The following BCAS3 variants were observed in gnomAD, a reference collection of about 807,000 sequenced individuals.
The protein encoded by BCAS3 is BCAS4/BCAS3 fusion.
A neutral mutation model predicts 116.1 loss-of-function variants in BCAS3; 53 were observed. The ratio of observed to expected loss-of-function variants is 0.46; its 90% CI spans 0.37 to 0.57. The LOEUF is 0.57. Among genes scored for constraint, BCAS3 ranks in the 20% least tolerant of loss-of-function variants. BCAS3 has a pLI of 0.00. For synonymous variants in BCAS3, 391 were observed against 408.2 expected (o/e 0.96, Z 0.51); for missense variants, 917 against 1,165.4 (o/e 0.79, Z 3.10).
rs578046517 is a variant in BCAS3 at position 61,285,478 on chromosome 17, T to TCTAGA, written c.2426-82833_2426-82829dup. Among the ~76,000 whole-genome samples, 382 of 152,238 alleles carry TCTAGA rather than the reference T, an allele frequency of 2.5e-3. 5 individuals carry two copies. Among genetic ancestry groups the TCTAGA allele is most frequent in the East Asian group, 5.6e-3 (29 of 5,164 alleles). Reference sequence around the variant, plus strand: ...TGCTTGGTTTGGTTTATCCATAGGATCTAGACTAGACTAGACTAGAGGATT... The same window carrying TCTAGA: ...TGCTTGGTTTGGTTTATCCATAGGATCTAGACTAGACTAGACTAGACTAGAGGATT... On this transcript the variant is annotated intron_variant, in intron 22 of 23. Transcript: ENST00000407086. The surrounding 1 kb of genome is among the most constrained non-coding windows in gnomAD (Gnocchi z 5.4).
chr17:61,226,972 G>A lies in BCAS3; in HGVS notation c.2426-141355G>A, dbSNP rs1242352181. On this transcript the variant is annotated intron_variant, in intron 22 of 23. Transcript: ENST00000407086. This position sits in a 1 kb window ranked among gnomAD's most constrained non-coding sequence, Gnocchi z 6.0. ...ATCCAGATAAATAAAATATGCTCTGGTGGGCCTTCCTGATGGGACCCTCGA... is the reference window on the plus strand; with the variant it reads ...ATCCAGATAAATAAAATATGCTCTGATGGGCCTTCCTGATGGGACCCTCGA... 6.6e-6 allele frequency among the ~76,000 whole-genome samples: 1 copy of A among 152,136 alleles called. No individual in the cohort carries two copies. The highest frequency in any genetic ancestry group is 1.5e-5 in the Non-Finnish European group (1 of 68,030).
intron 7 of BCAS3, chr17:60,821,593 A>G (rs1242727722): frequency 6.6e-6 from 1 of 152,122 alleles, no homozygotes; most frequent in Non-Finnish European, 1.5e-5. Flanking sequence ...CTAAAGTTTT[A>G]TATAAGTGGA....
At chr17:61,298,974 C>A (rs2053193688) in intron 22 of BCAS3, among the ~76,000 whole-genome samples, 1 of 151,904 alleles carries the variant, frequency 6.6e-6, no homozygotes, top group African/African-American at 2.4e-5. Context: ...AGGCACCCTG[C>A]ACCATACCCG....
intron 23 of BCAS3, among the ~76,000 whole-genome samples, chr17:61,371,352 T>C (rs1317441834): frequency 6.6e-6 from 1 of 152,240 alleles, no homozygotes; most frequent in African/African-American, 2.4e-5. Context: ...AGCACCTGGT[T>C]GGTAAGCTGT....
chr17:60,755,232 A>G (rs924927727), intron 6 of BCAS3, among the ~76,000 whole-genome samples: 4 of 152,328 alleles, frequency 2.6e-5, no homozygotes, highest in South Asian at 2.1e-4. Context: ...GCGTTTTTCT[A>G]TAAGAGGTAT....
At chr17:60,928,200 A>G (rs1339752414) in intron 13 of BCAS3, among the ~76,000 whole-genome samples, 2 of 152,324 alleles carry the variant, frequency 1.3e-5, no homozygotes, top group Admixed American at 6.5e-5. Flanking sequence ...GTCTTAAGGA[A>G]GGAAAACCCT....
rs1055006090 is a variant in BCAS3, at chr17:61,239,702, C to T, written c.2426-128625C>T. On this transcript the variant is annotated intron_variant, in intron 22 of 23. Coordinates refer to ENST00000407086, the MANE Select transcript of BCAS3 (RefSeq NM_017679.5). This position sits in a 1 kb window ranked among gnomAD's most constrained non-coding sequence, Gnocchi z 4.2. ...TTGGCTTTCAGAGATTAGTTTTTTCCTACTTAAAATTAAGAACTTAAAGAT... is the reference window on the plus strand; with the variant it reads ...TTGGCTTTCAGAGATTAGTTTTTTCTTACTTAAAATTAAGAACTTAAAGAT... 1.3e-5 allele frequency among the ~76,000 whole-genome samples: 2 copies of T among 152,132 alleles called. No homozygotes were observed. The highest frequency in any genetic ancestry group is 4.8e-5 in the African/African-American group (2 of 41,420).
chr17:61,074,258 T>G (rs1449096776), intron 19 of BCAS3, among the ~76,000 whole-genome samples: 1 of 151,878 alleles, frequency 6.6e-6, no homozygotes, highest in Admixed American at 6.6e-5. Context: ...AAAAAATACC[T>G]TTAGAGACAT....
intron 7 of BCAS3, among the ~76,000 whole-genome samples, chr17:60,845,797 T>C (rs199808657): frequency 5.4e-5 from 8 of 149,224 alleles, no homozygotes; most frequent in African/African-American, 7.5e-5. Context: ...TTTTTTTTTT[T>C]TCTCTCTCTC....
At chr17:60,708,200 C>T (rs2037413480) in intron 4 of BCAS3, among the ~76,000 whole-genome samples, 1 of 151,774 alleles carries the variant, frequency 6.6e-6, no homozygotes, top group South Asian at 2.1e-4. Context: ...TGGCATATGC[C>T]CGTAGTCCCA....
rs1447091095 is a variant in BCAS3, at chr17:61,313,612, C to T, written c.2426-54715C>T. On this transcript the variant is annotated intron_variant, in intron 22 of 23. Transcript: ENST00000407086. The surrounding 1 kb of genome is among the most constrained non-coding windows in gnomAD (Gnocchi z 4.3). ...AAGGCTGGAGGACAGAGCTTGGACT[C>T]GGGTCCAGCTCGGCGTCCTCCCTCG... Among the ~76,000 whole-genome samples, 1 of 152,160 alleles carries T rather than the reference C, an allele frequency of 6.6e-6. No individual in the cohort carries two copies. The highest frequency in any genetic ancestry group is 6.5e-5 in the Admixed American group (1 of 15,270).
rs905311104 is a variant in BCAS3, at chr17:61,244,590, G to A, written c.2426-123737G>A. 2.0e-5 allele frequency among the ~76,000 whole-genome samples: 3 copies of A among 152,134 alleles called. No individual in the cohort carries two copies. Among genetic ancestry groups the A allele is most frequent in the Non-Finnish European group, 2.9e-5 (2 of 68,036 alleles). On this transcript the variant is annotated intron_variant, in intron 22 of 23. Transcript: ENST00000407086. This position sits in a 1 kb window ranked among gnomAD's most constrained non-coding sequence, Gnocchi z 4.9. ...TAAAAATTGGATATATAGGCCCGGC[G>A]CGGTGGCTCATGCCTGTAATCCCAG... is the stretch of plus-strand genomic sequence containing the variant.
rs1186339936 is a variant in BCAS3, at chr17:61,364,451, C to T, written c.2426-3876C>T. Among the ~76,000 whole-genome samples, 5 of 152,344 alleles carry T rather than the reference C, an allele frequency of 3.3e-5. No individual in the cohort carries two copies. Among genetic ancestry groups the T allele is most frequent in the Non-Finnish European group, 5.9e-5 (4 of 68,036 alleles). ...TGGTTCTTGGCCAGGCGCAGTGGCT[C>T]ATGCCTGTAATTCCAGCACTTTGGG... On this transcript the variant is annotated intron_variant, in intron 22 of 23. Coordinates refer to ENST00000407086, the MANE Select transcript of BCAS3 (RefSeq NM_017679.5). This position sits in a 1 kb window ranked among gnomAD's most constrained non-coding sequence, Gnocchi z 5.4.
At chr17:60,758,702 T>C (rs1228414274) in intron 6 of BCAS3, among the ~76,000 whole-genome samples, 1 of 152,114 alleles carries the variant, frequency 6.6e-6, no homozygotes, top group African/African-American at 2.4e-5. Flanking sequence ...TTTCTTGAGG[T>C]GTGTCATTAG....
chr17:61,140,918 C>T lies in BCAS3; in HGVS notation c.2425+56354C>T, dbSNP rs2143935296. Among the ~76,000 whole-genome samples, 1 of 151,902 alleles carries T rather than the reference C, an allele frequency of 6.6e-6. No individual in the cohort carries two copies. The highest frequency in any genetic ancestry group is 2.4e-5 in the African/African-American group (1 of 41,466). On this transcript the variant is annotated intron_variant, in intron 22 of 23. Transcript: ENST00000407086. The surrounding 1 kb of genome is among the most constrained non-coding windows in gnomAD (Gnocchi z 4.2). ...TGTTAAGTAAGGAAAAAGCATGCCT[C>T]CCTGTGCTCTTTGTCCATTTGAGTG...
chr17:61,277,318 CT>C (rs936423654), intron 22 of BCAS3, among the ~76,000 whole-genome samples: 1 of 150,050 alleles, frequency 6.7e-6, no homozygotes, highest in Non-Finnish European at 1.5e-5. Context: ...CCACATGACC[CT>C]ACCTCATACC....
intron 13 of BCAS3, among the ~76,000 whole-genome samples, chr17:60,928,120 A>G (rs887527282): frequency 6.6e-6 from 1 of 152,062 alleles, no homozygotes; most frequent in East Asian, 1.9e-4. Context: ...AGTCTTGTTA[A>G]TTCACTTAAT....
At position 61,249,069 on chromosome 17, in the gene BCAS3, T is replaced by A. The variant is rs2048178279; in HGVS notation, c.2426-119258T>A. Among the ~76,000 whole-genome samples the A allele has an allele frequency of 6.6e-6, 1 of 152,140 alleles. No homozygotes were observed. The highest frequency in any genetic ancestry group is 6.6e-5 in the Admixed American group (1 of 15,260). ...GGGAGGCCGAGGCAGGTAGATCCCC[T>A]GAGGTGAGGAGTTTGAGACCAGCCT... On this transcript the variant is annotated intron_variant, in intron 22 of 23. Coordinates refer to ENST00000407086, the MANE Select transcript of BCAS3 (RefSeq NM_017679.5). The surrounding 1 kb of genome is among the most constrained non-coding windows in gnomAD (Gnocchi z 6.2).
intron 22 of BCAS3, among the ~76,000 whole-genome samples, chr17:61,345,810 A>C (rs1439501274): frequency 6.6e-6 from 1 of 152,156 alleles, no homozygotes; most frequent in African/African-American, 2.4e-5. Flanking sequence ...GATGATAGGG[A>C]GGACTCCAGG....
Sources: allele counts gnomAD v4.1 joint callset (sites outside exome capture counted in the v4.1 genomes callset), GRCh38; gene constraint gnomAD v4.1.1; non-coding constraint Gnocchi (gnomAD v3.1); transcripts MANE v1.5; gene names NCBI Gene and HGNC (gene_info 2026-07-23, HGNC 2026-07-21).